The following TCERG1L variants were observed in gnomAD, a reference collection of about 807,000 sequenced individuals.
The protein encoded by TCERG1L is transcription elongation regulator 1-like protein.
Under a neutral mutation model 56.3 loss-of-function variants are expected in TCERG1L, and 37 were observed. The ratio of observed to expected loss-of-function variants is 0.66; its 90% confidence interval spans 0.51 to 0.87. TCERG1L has a LOEUF of 0.87. TCERG1L is among the 40% of genes least tolerant of loss of function. The pLI, the probability that TCERG1L is intolerant of heterozygous loss-of-function variation, is 0.00. For synonymous variants in TCERG1L, 324 were observed against 326.3 expected (o/e 0.99, Z 0.08); for missense variants, 799 against 774.2 (o/e 1.03, Z -0.38).
intron 4 of TCERG1L, among the ~76,000 whole-genome samples, chr10:131,199,776 C>G (rs1246716312): frequency 6.6e-6 from 1 of 152,218 alleles, no homozygotes. Flanking sequence ...CAGCCAATCA[C>G]TAAACAGTGC....
At chr10:131,219,379 C>G (rs1845705770) in intron 4 of TCERG1L, among the ~76,000 whole-genome samples, 1 of 152,234 alleles carries the variant, frequency 6.6e-6, no homozygotes, top group Non-Finnish European at 1.5e-5. Context: ...TGGCCGACCC[C>G]AGGACCGCCA....
At chr10:131,275,306 G>A (rs1476092983) in intron 3 of TCERG1L, among the ~76,000 whole-genome samples, 1 of 152,180 alleles carries the variant, frequency 6.6e-6, no homozygotes, top group Non-Finnish European at 1.5e-5. Flanking sequence ...GTCACCGGAG[G>A]TCTACAAGCA....
At chr10:131,150,667 C>T (rs150129143) in intron 6 of TCERG1L, among the ~76,000 whole-genome samples, 11 of 152,260 alleles carry the variant, frequency 7.2e-5, no homozygotes, top group East Asian at 3.9e-4. Context: ...CTCTGTTCTG[C>T]CCACTGCAGA....
intron 4 of TCERG1L, among the ~76,000 whole-genome samples, chr10:131,232,818 C>T (rs1845866671): frequency 6.6e-6 from 1 of 152,176 alleles, no homozygotes; most frequent in African/African-American, 2.4e-5. Context: ...GAGACACCTG[C>T]CCTGAAAGCT....
At position 131,129,771 on chromosome 10, in the gene TCERG1L, T is replaced by C. The variant is rs1156258092; in HGVS notation, c.1259+4608A>G. On this transcript the variant is annotated intron_variant, in intron 8 of 11. Transcript: ENST00000368642. ...CACTGCTGTAAAGAACTACCTGAGA[T>C]TGGGTAATTCATCAAGAAAGGAGGT... Among the ~76,000 whole-genome samples the C allele has an allele frequency of 5.9e-5, 9 of 152,280 alleles. No homozygotes were observed. In the East Asian group the frequency reaches 1.5e-3, roughly 26 times the overall value.
At chr10:131,279,815 T>C (rs529694144) in intron 3 of TCERG1L, among the ~76,000 whole-genome samples, 5 of 152,018 alleles carry the variant, frequency 3.3e-5, no homozygotes, top group African/African-American at 7.2e-5. Flanking sequence ...GAGACACCCA[T>C]AGCAAACCCT....
intron 11 of TCERG1L, among the ~76,000 whole-genome samples, chr10:131,093,532 C>T (rs1838288864): frequency 6.6e-6 from 1 of 152,120 alleles, no homozygotes; most frequent in South Asian, 2.1e-4. Context: ...TTGCAGGACC[C>T]CCTTGTCTCT....
intron 8 of TCERG1L, among the ~76,000 whole-genome samples, chr10:131,132,443 C>T (rs1393166274): frequency 1.3e-5 from 2 of 152,214 alleles, no homozygotes; most frequent in Non-Finnish European, 2.9e-5. Context: ...TGTTGAAATG[C>T]CAACTGTTGG....
intron 3 of TCERG1L, among the ~76,000 whole-genome samples, chr10:131,306,948 T>C (rs1846823670): frequency 6.6e-6 from 1 of 152,156 alleles, no homozygotes. Context: ...CATAAAGACT[T>C]TGTAGGAACA....
In TCERG1L at chr10:131,267,495, TCC is replaced by T. The variant is rs1177849396; in HGVS notation, c.671-7053_671-7052del. On this transcript the variant is annotated intron_variant, in intron 3 of 11. Transcript: ENST00000368642. The surrounding 1 kb of genome is among the most constrained non-coding windows in gnomAD (Gnocchi z 4.9). ...TGAGGGGGGTCATGGCTCCTGCCTG[TCC>T]CAGCTCTGCAAAGTGAGCAGACCTG... 6.6e-6 allele frequency among the ~76,000 whole-genome samples: 1 copy of T among 152,164 alleles called. No individual in the cohort carries two copies. Among genetic ancestry groups the T allele is most frequent in the Non-Finnish European group, 1.5e-5 (1 of 68,016 alleles).
chr10:131,265,448 G>A (rs904075226), intron 3 of TCERG1L, among the ~76,000 whole-genome samples: 13 of 152,172 alleles, frequency 8.5e-5, no homozygotes, highest in African/African-American at 2.7e-4. Context: ...AGATGAGATC[G>A]AAAGAAGAGG....
chr10:131,288,173 A>C (rs1846566395), intron 3 of TCERG1L, among the ~76,000 whole-genome samples: 1 of 152,184 alleles, frequency 6.6e-6, no homozygotes, highest in African/African-American at 2.4e-5. Context: ...CTGTGATGGT[A>C]AAATCAGTCT....
chr10:131,216,785 T>C (rs1845673559), intron 4 of TCERG1L, among the ~76,000 whole-genome samples: 1 of 152,182 alleles, frequency 6.6e-6, no homozygotes, highest in South Asian at 2.1e-4. Flanking sequence ...GGGCCAGGCA[T>C]GGGAGTGGGG....
Position 131,128,409 on chromosome 10 carries a change from C to T in TCERG1L, c.1259+5970G>A, listed in dbSNP as rs1845583895. 2.0e-5 allele frequency among the ~76,000 whole-genome samples: 3 copies of T among 152,290 alleles called. No individual in the cohort carries two copies. In the South Asian group the frequency reaches 6.2e-4, roughly 32 times the overall value. ...TGCCCTTACAGAAGAAAGGCCTCCACCTACATTTTTGTAAGATACACCTCA... is the reference window on the plus strand; with the variant it reads ...TGCCCTTACAGAAGAAAGGCCTCCATCTACATTTTTGTAAGATACACCTCA... On this transcript the variant is annotated intron_variant, in intron 8 of 11. Coordinates refer to ENST00000368642, the MANE Select transcript of TCERG1L (RefSeq NM_174937.4).
chr10:131,152,680 G>GT (rs1845878562), intron 6 of TCERG1L, among the ~76,000 whole-genome samples: 1 of 152,084 alleles, frequency 6.6e-6, no homozygotes. Flanking sequence ...CCCACTCCTG[G>GT]TAAGAATTTA....
chr10:131,136,114 C>T (rs1845673215), intron 7 of TCERG1L, among the ~76,000 whole-genome samples: 3 of 152,208 alleles, frequency 2.0e-5, no homozygotes, highest in African/African-American at 7.2e-5. Context: ...ATTTGCCCTC[C>T]CCAGTTGAGA....
At chr10:131,285,050 A>C (rs1365387894) in intron 3 of TCERG1L, among the ~76,000 whole-genome samples, 25 of 152,158 alleles carry the variant, frequency 1.6e-4, no homozygotes, top group Admixed American at 1.6e-3. Flanking sequence ...AATCCAGTAT[A>C]GCTTTCACAC....
intron 7 of TCERG1L, among the ~76,000 whole-genome samples, chr10:131,140,304 C>T (rs986077530): frequency 6.6e-5 from 10 of 152,262 alleles, no homozygotes; most frequent in African/African-American, 2.4e-4. Flanking sequence ...CTGGCAGGAG[C>T]TCAGCCCCAC....
At chr10:131,257,190 G>A (rs953040292) in intron 4 of TCERG1L, among the ~76,000 whole-genome samples, 3 of 152,180 alleles carry the variant, frequency 2.0e-5, no homozygotes, top group African/African-American at 7.2e-5. Context: ...GCAGGGCGGG[G>A]ATGGAAAGAT....
Sources: gnomAD v4.1 joint callset for allele counts (sites outside exome capture counted in the v4.1 genomes callset) on GRCh38, gnomAD v4.1.1 for gene constraint, Gnocchi (gnomAD v3.1) non-coding constraint, MANE v1.5 for transcripts, NCBI Gene and HGNC (gene_info 2026-07-23, HGNC 2026-07-21) for gene names.